Variants in SH3GL2 observed in about 807,000 individuals in gnomAD.
SH3GL2 encodes the protein SH3 domain containing GRB2 like 2, endophilin A1.
A neutral mutation model predicts 46.0 loss-of-function variants in SH3GL2; 24 were observed. That is an observed-to-expected ratio of 0.52 (90% CI 0.38 to 0.73). The LOEUF is 0.73. Ranked by LOEUF, SH3GL2 falls within the 30% of genes least tolerant of loss-of-function variation. The pLI is 0.00. For synonymous variants in SH3GL2, 196 were observed against 147.1 expected, an observed-to-expected ratio of 1.33 and a Z score of -2.40; for missense variants, 413 against 424.2, an observed-to-expected ratio of 0.97 and a Z score of 0.23.
intron 3 of SH3GL2, among the ~76,000 whole-genome samples, chr9:17,776,974 A>G (rs1289682348): frequency 6.6e-6 from 1 of 152,206 alleles, no homozygotes; most frequent in Admixed American, 6.5e-5. Context: ...AACTGCCAAG[A>G]AAGAGTAGCT....
intron 1 of SH3GL2, among the ~76,000 whole-genome samples, chr9:17,722,228 C>T (rs898826931): frequency 1.3e-5 from 2 of 151,962 alleles, no homozygotes; most frequent in Admixed American, 1.3e-4. Context: ...CTTTGCCTGC[C>T]AAGAGAAGGT....
At chr9:17,673,356 G>C (rs1820522955) in intron 1 of SH3GL2, among the ~76,000 whole-genome samples, 1 of 141,840 alleles carries the variant, frequency 7.1e-6, no homozygotes, top group East Asian at 2.1e-4. Flanking sequence ...GTTTCATCAT[G>C]TTGCCGAGGC....
In SH3GL2 at chr9:17,637,769, G is replaced by A. The variant is rs200304687; in HGVS notation, c.45+58482G>A. Among the ~76,000 whole-genome samples, 11 of 152,302 alleles carry A rather than the reference G, an allele frequency of 7.2e-5. No individual in the cohort carries two copies. The East Asian group carries it at 1.7e-3, about 24-fold the overall frequency. On this transcript the variant is annotated intron_variant, in intron 1 of 8. Coordinates refer to ENST00000380607, the MANE Select transcript of SH3GL2 (RefSeq NM_003026.5). ...TGGGTGCTTTATGGAGTCACAGCACGTAATGAAGTGCCTAGCATAATGTCA... is the reference window on the plus strand; with the variant it reads ...TGGGTGCTTTATGGAGTCACAGCACATAATGAAGTGCCTAGCATAATGTCA...
intron 1 of SH3GL2, among the ~76,000 whole-genome samples, chr9:17,702,229 A>T (rs1821356452): frequency 6.6e-6 from 1 of 152,142 alleles, no homozygotes; most frequent in African/African-American, 2.4e-5. Context: ...TCCATAATTC[A>T]CATTGGCAGG....
At chr9:17,638,613 A>T (rs980609476) in intron 1 of SH3GL2, among the ~76,000 whole-genome samples, 1 of 152,230 alleles carries the variant, frequency 6.6e-6, no homozygotes, top group African/African-American at 2.4e-5. Context: ...CACTGCCACC[A>T]GTACTCTCCT....
intron 1 of SH3GL2, among the ~76,000 whole-genome samples, chr9:17,667,433 G>GT (rs1436112306): frequency 1.4e-4 from 22 of 152,150 alleles, no homozygotes; most frequent in African/African-American, 4.8e-4. Context: ...TTTGACTACT[G>GT]TTTTTTATGT....
chr9:17,784,497 T>G (rs1353805537), intron 3 of SH3GL2, among the ~76,000 whole-genome samples: 1 of 152,142 alleles, frequency 6.6e-6, no homozygotes, highest in African/African-American at 2.4e-5. Flanking sequence ...GTTTATTTTA[T>G]TTGCACTGTT....
chr9:17,606,434 A>G (rs115481886), intron 1 of SH3GL2, among the ~76,000 whole-genome samples: 2 of 152,228 alleles, frequency 1.3e-5, no homozygotes, highest in African/African-American at 4.8e-5. Context: ...AAGCTTCCCA[A>G]GTGTTACCAA....
At chr9:17,673,726 CA>C (rs1470802437) in intron 1 of SH3GL2, among the ~76,000 whole-genome samples, 1 of 152,162 alleles carries the variant, frequency 6.6e-6, no homozygotes, top group Non-Finnish European at 1.5e-5. Context: ...CTGAAACCAC[CA>C]TAATGCTTCA....
At chr9:17,706,722 T>C (rs1349259865) in intron 1 of SH3GL2, among the ~76,000 whole-genome samples, 5 of 152,048 alleles carry the variant, frequency 3.3e-5, no homozygotes, top group African/African-American at 1.2e-4. Flanking sequence ...AGACATCTTA[T>C]AGGTGAGTCC....
chr9:17,760,716 G>A, intron 2 of SH3GL2, among the ~76,000 whole-genome samples: 1 of 152,080 alleles, frequency 6.6e-6, no homozygotes, highest in Non-Finnish European at 1.5e-5. Context: ...TTACCATGTA[G>A]GGCGAATAGG....
intron 1 of SH3GL2, among the ~76,000 whole-genome samples, chr9:17,746,151 T>A (rs1293332075): frequency 6.6e-6 from 1 of 152,200 alleles, no homozygotes; most frequent in Non-Finnish European, 1.5e-5. Flanking sequence ...CTCCGCTCAC[T>A]GCAGGCTCCG....
At chr9:17,745,259 G>T (rs918993580) in intron 1 of SH3GL2, among the ~76,000 whole-genome samples, 12 of 152,078 alleles carry the variant, frequency 7.9e-5, no homozygotes, top group African/African-American at 2.9e-4. Context: ...ACCTAAGATT[G>T]TATTATGTCA....
intron 2 of SH3GL2, among the ~76,000 whole-genome samples, chr9:17,751,085 A>G (rs1822826980): frequency 6.6e-6 from 1 of 152,188 alleles, no homozygotes; most frequent in African/African-American, 2.4e-5. Flanking sequence ...GCAGCCTGAA[A>G]ATTATTGTGG....
rs151021778 is a variant in SH3GL2 at position 17,608,615 on chromosome 9, C to G, written c.45+29328C>G. ...TATTTTTAAGCTGCTTTGACATTCT[C>G]TAGGCAAAGTATTATCAGGAACAGA... is the stretch of plus-strand genomic sequence containing the variant. On this transcript the variant is annotated intron_variant, in intron 1 of 8. Coordinates refer to ENST00000380607, the MANE Select transcript of SH3GL2 (RefSeq NM_003026.5). 3.4e-3 allele frequency among the ~76,000 whole-genome samples: 513 copies of G among 152,254 alleles called. 3 individuals are homozygous for G. The highest frequency in any genetic ancestry group is 0.012 in the African/African-American group (479 of 41,542).
chr9:17,704,459 A>G (rs561970052), intron 1 of SH3GL2, among the ~76,000 whole-genome samples: 14 of 152,070 alleles, frequency 9.2e-5, no homozygotes, highest in Admixed American at 5.3e-4. Flanking sequence ...CTCCTATGGA[A>G]TCAAAAAGCC....
chr9:17,648,972 C>T (rs942535502), intron 1 of SH3GL2, among the ~76,000 whole-genome samples: 1 of 152,200 alleles, frequency 6.6e-6, no homozygotes, highest in East Asian at 1.9e-4. Context: ...TTATCTATCT[C>T]TGAATAGAAC....
At chr9:17,585,421 G>C (rs1214168117) in intron 1 of SH3GL2, among the ~76,000 whole-genome samples, 2 of 151,986 alleles carry the variant, frequency 1.3e-5, no homozygotes, top group African/African-American at 2.4e-5. Flanking sequence ...TTAATCCTTC[G>C]TACCCTTGTC....
intron 3 of SH3GL2, among the ~76,000 whole-genome samples, chr9:17,785,452 T>G (rs970651722): frequency 2.6e-5 from 4 of 152,138 alleles, no homozygotes; most frequent in Admixed American, 6.5e-5. Flanking sequence ...AATAAAAGCC[T>G]TGTGAAATAA....
Sources: gnomAD v4.1 joint callset for allele counts (sites outside exome capture counted in the v4.1 genomes callset) on GRCh38, gnomAD v4.1.1 for gene constraint, MANE v1.5 for transcripts, NCBI Gene and HGNC (gene_info 2026-07-23, HGNC 2026-07-21) for gene names.